The following SCHIP1 variants were observed in gnomAD, a reference collection of about 807,000 sequenced individuals.
The protein encoded by SCHIP1 is schwannomin interacting protein 1, also known as schwannomin-interacting protein 1.
SCHIP1 carries 8 observed loss-of-function variants against 29.7 expected under a neutral mutation model. The ratio of observed to expected loss-of-function variants is 0.27; its 90% confidence interval spans 0.16 to 0.49. The LOEUF (loss-of-function observed/expected upper bound fraction) is 0.49, where lower values mean the gene tolerates loss of function less well. Ranked by LOEUF, SCHIP1 falls within the 20% of genes least tolerant of loss-of-function variation. The pLI is 0.99. For synonymous variants in SCHIP1, 76 were observed against 94.9 expected, an observed-to-expected ratio of 0.80 and a Z score of 1.16; for missense variants, 193 against 294.6, an observed-to-expected ratio of 0.66 and a Z score of 2.52.
the SCHIP1 span, among the ~76,000 whole-genome samples, chr3:159,631,529 A>G: frequency 0.011 from 1,615 of 152,324 alleles, 30 homozygotes; most frequent in African/African-American, 0.037. Flanking sequence ...CTACCCTGTC[A>G]ATAAACTTTG....
chr3:159,750,506 G>A, the SCHIP1 span, among the ~76,000 whole-genome samples: 2 of 152,058 alleles, frequency 1.3e-5, no homozygotes, highest in South Asian at 2.1e-4. Flanking sequence ...TTTATTGAGC[G>A]ATAAACTTGT....
the SCHIP1 span, among the ~76,000 whole-genome samples, chr3:159,335,202 G>A: frequency 1.3e-5 from 2 of 152,006 alleles, no homozygotes; most frequent in Non-Finnish European, 2.9e-5. Flanking sequence ...TACCCTTGGG[G>A]CACTCTGAAA....
chr3:159,598,758 A>G, the SCHIP1 span, among the ~76,000 whole-genome samples: 1 of 152,194 alleles, frequency 6.6e-6, no homozygotes, highest in African/African-American at 2.4e-5. Context: ...ATGATTCATG[A>G]ATCAGGCAGC....
chr3:159,860,402 T>C (rs1029593645), intron 1 of SCHIP1, among the ~76,000 whole-genome samples: 2 of 152,178 alleles, frequency 1.3e-5, no homozygotes, highest in African/African-American at 4.8e-5. Context: ...TCTCCGGCCC[T>C]GTCTTTGATT....
At chr3:159,337,706 C>A in the SCHIP1 span, among the ~76,000 whole-genome samples, 1 of 152,146 alleles carries the variant, frequency 6.6e-6, no homozygotes, top group Non-Finnish European at 1.5e-5. Context: ...CCAGTGGCAA[C>A]TTTCCACCCA....
At chr3:159,412,212 A>G in the SCHIP1 span, among the ~76,000 whole-genome samples, 1 of 152,184 alleles carries the variant, frequency 6.6e-6, no homozygotes, top group Non-Finnish European at 1.5e-5. Flanking sequence ...TTTTGGACCC[A>G]AAGTCCATGC....
the SCHIP1 span, among the ~76,000 whole-genome samples, chr3:159,449,899 G>C: frequency 6.6e-6 from 1 of 150,970 alleles, no homozygotes; most frequent in Non-Finnish European, 1.5e-5. Context: ...GGAAGAAAAA[G>C]AGAAGAAAAA....
intron 1 of SCHIP1, among the ~76,000 whole-genome samples, chr3:159,863,854 A>G (rs895091552): frequency 6.6e-6 from 1 of 152,200 alleles, no homozygotes; most frequent in African/African-American, 2.4e-5. Flanking sequence ...GTCTCCTCCA[A>G]TATCTGTAGC....
the SCHIP1 span, among the ~76,000 whole-genome samples, chr3:159,561,750 G>C: frequency 7.3e-4 from 111 of 151,850 alleles, no homozygotes; most frequent in Non-Finnish European, 5.0e-4. Context: ...AGTAGATGGT[G>C]GTTTAAGACA....
the SCHIP1 span, among the ~76,000 whole-genome samples, chr3:159,285,656 A>C: frequency 6.6e-6 from 1 of 152,172 alleles, no homozygotes; most frequent in Non-Finnish European, 1.5e-5. Context: ...GAATAGAAAC[A>C]TTCAATTTTT....
the SCHIP1 span, among the ~76,000 whole-genome samples, chr3:159,585,606 CTAATT>C: frequency 6.6e-6 from 1 of 152,102 alleles, no homozygotes; most frequent in Non-Finnish European, 1.5e-5. Context: ...TACATATTAA[CTAATT>C]TAATTCTCCT....
At chr3:159,826,496 C>T in the SCHIP1 span, among the ~76,000 whole-genome samples, 2 of 152,208 alleles carry the variant, frequency 1.3e-5, no homozygotes, top group Non-Finnish European at 2.9e-5. Flanking sequence ...TGCTCTTCCT[C>T]ACAGTTAACG....
chr3:159,606,365 G>A, the SCHIP1 span, among the ~76,000 whole-genome samples: 1 of 152,206 alleles, frequency 6.6e-6, no homozygotes. Context: ...AATCTATATT[G>A]CCCTTCTTTT....
At chr3:159,541,663 C>T in the SCHIP1 span, among the ~76,000 whole-genome samples, 8 of 151,934 alleles carry the variant, frequency 5.3e-5, no homozygotes, top group Non-Finnish European at 1.2e-4. Flanking sequence ...TTTGTTGTTC[C>T]TTAATTGAAC....
the SCHIP1 span, among the ~76,000 whole-genome samples, chr3:159,734,178 T>C: frequency 4.7e-5 from 7 of 147,394 alleles, no homozygotes; most frequent in African/African-American, 1.8e-4. Flanking sequence ...AGTCTTGCTC[T>C]GTCGCCCAGA....
At chr3:159,869,297 C>T (rs1714981673) in intron 2 of SCHIP1, among the ~76,000 whole-genome samples, 1 of 151,832 alleles carries the variant, frequency 6.6e-6, no homozygotes, top group African/African-American at 2.4e-5. Context: ...CTTTCTGTAT[C>T]TTGTGTAAGA....
chr3:159,514,116 A>G, the SCHIP1 span, among the ~76,000 whole-genome samples: 1 of 152,176 alleles, frequency 6.6e-6, no homozygotes, highest in East Asian at 1.9e-4. Context: ...TTCCAGCCCA[A>G]GCACTTTCCA....
At chr3:159,275,711 T>C in the SCHIP1 span, among the ~76,000 whole-genome samples, 1 of 152,230 alleles carries the variant, frequency 6.6e-6, no homozygotes, top group Non-Finnish European at 1.5e-5. Context: ...TATGACAAAC[T>C]ACAAGCACAT....
chr3:159,754,624 T>C, the SCHIP1 span, among the ~76,000 whole-genome samples: 1 of 152,216 alleles, frequency 6.6e-6, no homozygotes, highest in Non-Finnish European at 1.5e-5. Flanking sequence ...CCCCCTGACT[T>C]TGGATGGCTC....
Sources: allele counts gnomAD v4.1 joint callset (sites outside exome capture counted in the v4.1 genomes callset), GRCh38; gene constraint gnomAD v4.1.1; transcripts MANE v1.5; gene names NCBI Gene and HGNC (gene_info 2026-07-23, HGNC 2026-07-21).